SPOPL: variants seen among roughly 807,000 people sequenced by gnomAD.
The protein encoded by SPOPL is speckle-type POZ protein-like.
Under a neutral mutation model 53.8 loss-of-function variants are expected in SPOPL, and 23 were observed. The observed-to-expected ratio is 0.43, with a 90% CI of 0.31 to 0.61. SPOPL has a LOEUF of 0.61. Ranked by LOEUF, SPOPL falls within the 20% of genes least tolerant of loss-of-function variation. The pLI is 0.12. For synonymous variants in SPOPL, 164 were observed against 149.7 expected (o/e 1.10, Z -0.70); for missense variants, 442 against 466.9 (o/e 0.95, Z 0.49).
chr2:138,513,653 T>G (rs924808725), intron 1 of SPOPL, among the ~76,000 whole-genome samples: 21 of 151,464 alleles, frequency 1.4e-4, no homozygotes, highest in African/African-American at 4.1e-4. Context: ...GGCAGGAAGA[T>G]CACTTGAGCT....
intron 5 of SPOPL, among the ~76,000 whole-genome samples, chr2:138,555,163 TGTGTGTGC>T (rs973115967): frequency 4.7e-5 from 7 of 150,272 alleles, no homozygotes; most frequent in African/African-American, 1.5e-4. Flanking sequence ...TGTGTGTGTG[TGTGTGTGC>T]GAGCCAGACT....
In SPOPL at chr2:138,571,449, G is replaced by A. The variant is rs1214159650; in HGVS notation, c.*2369G>A. On this transcript the variant is annotated 3_prime_UTR_variant, in exon 11 of 11. Coordinates refer to ENST00000280098, the MANE Select transcript of SPOPL (RefSeq NM_001001664.3). ...TACCAAAAATGTCAAACACTGTGCT[G>A]TAAGAATATCCATGTTTGTAGAAAT... 6.6e-6 allele frequency: 1 copy of A among 152,322 alleles called. No homozygotes were observed. The highest frequency in any genetic ancestry group is 2.4e-5 in the African/African-American group (1 of 41,358). The allele number at this position is 152,322 out of a possible 1,614,324, so 9.4% of individuals were successfully genotyped here. A position where few individuals can be genotyped will look rare whatever the true frequency, so the allele number is the denominator to read the frequency against.
chr2:138,511,968 AGTT>A (rs749742468), intron 1 of SPOPL, among the ~76,000 whole-genome samples: 4 of 152,218 alleles, frequency 2.6e-5, no homozygotes, highest in Admixed American at 2.0e-4. Flanking sequence ...AAAACCATAT[AGTT>A]GTTATGAGAA....
intron 1 of SPOPL, among the ~76,000 whole-genome samples, chr2:138,507,181 C>A (rs1043954960): frequency 2.6e-5 from 4 of 151,914 alleles, no homozygotes; most frequent in Admixed American, 6.6e-5. Context: ...ATTAATCTGC[C>A]GAAGTTACAA....
intron 1 of SPOPL, among the ~76,000 whole-genome samples, chr2:138,539,010 T>C (rs954379013): frequency 2.6e-5 from 4 of 152,230 alleles, no homozygotes; most frequent in Non-Finnish European, 5.9e-5. Context: ...TTTGGTTTTT[T>C]GTCCTTGCGA....
chr2:138,557,373 C>T (rs1573905505), intron 5 of SPOPL, among the ~76,000 whole-genome samples: 2 of 152,258 alleles, frequency 1.3e-5, no homozygotes, highest in East Asian at 3.9e-4. Flanking sequence ...AAAATATCCT[C>T]AGAAAAATAA....
At chr2:138,550,112 C>T (rs148441993) in intron 1 of SPOPL, 45 bp from the exon 2 acceptor site, 3 of 909,062 alleles carry the variant, frequency 3.3e-6, no homozygotes, top group East Asian at 5.1e-5. Context: ...TTGATTCTGT[C>T]GTTTAAACTT....
intron 1 of SPOPL, among the ~76,000 whole-genome samples, chr2:138,541,269 G>A (rs1685065504): frequency 6.6e-6 from 1 of 152,292 alleles, no homozygotes; most frequent in Non-Finnish European, 1.5e-5. Flanking sequence ...AAATGAGTTA[G>A]GGAGGATTCC....
chr2:138,529,179 T>C (rs970871356), intron 1 of SPOPL, among the ~76,000 whole-genome samples: 9 of 152,290 alleles, frequency 5.9e-5, no homozygotes, highest in Non-Finnish European at 7.4e-5. Flanking sequence ...TGAAGAAGTT[T>C]GTTAGTGGCT....
intron 8 of SPOPL, among the ~76,000 whole-genome samples, chr2:138,562,734 A>G (rs1211240776): frequency 6.6e-6 from 1 of 150,436 alleles, no homozygotes; most frequent in African/African-American, 2.5e-5. Context: ...CAGTGAGCCA[A>G]GATCATGCCA....
chr2:138,538,380 C>T (rs1445969631), intron 1 of SPOPL, among the ~76,000 whole-genome samples: 1 of 152,048 alleles, frequency 6.6e-6, no homozygotes, highest in Admixed American at 6.5e-5. Context: ...GTTTGGGGCT[C>T]TATTATTTGG....
intron 10 of SPOPL, among the ~76,000 whole-genome samples, chr2:138,566,301 C>T (rs936676737): frequency 2.6e-5 from 4 of 152,094 alleles, no homozygotes; most frequent in Admixed American, 2.0e-4. Flanking sequence ...ATATTAGCAT[C>T]AAATGGCAAT....
chr2:138,514,001 C>T (rs1684385294), intron 1 of SPOPL, among the ~76,000 whole-genome samples: 1 of 152,032 alleles, frequency 6.6e-6, no homozygotes, highest in Non-Finnish European at 1.5e-5. Flanking sequence ...GTGTAACATG[C>T]AAAGACATGC....
rs978943008 is a variant in SPOPL at position 138,542,898 on chromosome 2, G to A, written c.-60-7259G>A. The stretch of plus-strand genomic sequence containing the variant: ...CCGGTTGTTCCTTTCCATGTTTAGC[G>A]CTTCCTTCAGGAGCTCTTTTAGGGC... On this transcript the variant is annotated intron_variant, in intron 1 of 10. Coordinates refer to ENST00000280098, the MANE Select transcript of SPOPL (RefSeq NM_001001664.3). Among the ~76,000 whole-genome samples, 4 of 152,208 alleles carry A rather than the reference G, an allele frequency of 2.6e-5. No individual in the cohort carries two copies. In the South Asian group the frequency reaches 6.2e-4, roughly 24 times the overall value.
At chr2:138,555,169 T>TGC (rs558583864) in intron 5 of SPOPL, among the ~76,000 whole-genome samples, 11 of 143,304 alleles carry the variant, frequency 7.7e-5, no homozygotes, top group East Asian at 4.0e-4. Context: ...TGTGTGTGTG[T>TGC]GCGAGCCAGA....
intron 8 of SPOPL, among the ~76,000 whole-genome samples, chr2:138,561,945 C>T (rs1040174584): frequency 6.6e-6 from 1 of 151,916 alleles, no homozygotes; most frequent in African/African-American, 2.4e-5. Context: ...CACAGGATAC[C>T]TTTGTAACAA....
intron 5 of SPOPL, 28 bp downstream of exon 5, chr2:138,552,709 C>T: frequency 6.3e-7 from 1 of 1,598,146 alleles, no homozygotes. Context: ...TCTAAGAACC[C>T]CATGGTTTAT....
At chr2:138,509,372 T>C (rs1684280648) in intron 1 of SPOPL, among the ~76,000 whole-genome samples, 1 of 152,174 alleles carries the variant, frequency 6.6e-6, no homozygotes, top group African/African-American at 2.4e-5. Context: ...TGATAGTATA[T>C]CTAAAAAGTA....
intron 5 of SPOPL, among the ~76,000 whole-genome samples, chr2:138,555,131 G>GGTGTGTGTGTGTGTGTGTGTGT (rs61000380): frequency 1.4e-5 from 2 of 140,186 alleles, no homozygotes; most frequent in African/African-American, 2.6e-5. Context: ...AGGGTAGGAG[G>GGTGTGTGTGTGTGTGTGTGTGT]GTGTGTGTGT....
Sources: gnomAD v4.1 joint callset for allele counts (sites outside exome capture counted in the v4.1 genomes callset) on GRCh38, gnomAD v4.1.1 for gene constraint, MANE v1.5 for transcripts, NCBI Gene and HGNC (gene_info 2026-07-23, HGNC 2026-07-21) for gene names.